The following RET variants were observed in gnomAD, a reference collection of about 807,000 sequenced individuals.
The protein encoded by RET is ret proto-oncogene.
A neutral mutation model predicts 118.3 loss-of-function variants in RET; 19 were observed. The ratio of observed to expected loss-of-function variants is 0.16; its 90% CI spans 0.11 to 0.24. The LOEUF (loss-of-function observed/expected upper bound fraction) is 0.24. Among genes scored for constraint, RET ranks in the 10% least tolerant of loss-of-function variants. RET has a pLI of 1.00. For missense variants in RET, 1,219 were observed against 1,502.1 expected (o/e 0.81, Z 3.12); for synonymous variants, 597 against 644.1 (o/e 0.93, Z 1.11).
At position 43,077,074 on chromosome 10, in the gene RET, C is replaced by G. The variant is rs1453466732; in HGVS notation, c.-185C>G. 4.2e-6 allele frequency: 4 copies of G among 945,590 alleles called. No individual in the cohort carries two copies. Among genetic ancestry groups the G allele is most frequent in the Non-Finnish European group, 5.6e-6 (4 of 719,064 alleles). 58.6% of individuals were successfully genotyped at this position (945,590 alleles called of 1,614,324 possible). A position where few individuals can be genotyped will look rare whatever the true frequency, so the allele number is the denominator to read the frequency against. On this transcript the variant is annotated 5_prime_UTR_variant, in exon 1 of 20. Coordinates refer to ENST00000355710, the MANE Select transcript of RET (RefSeq NM_020975.6). Reference sequence around the variant, plus strand: ...GCCGGCGCTTACCTCGCTTCAGTCCCGCGACCGAAGCAGGGCGCGCAGCAG... The same window carrying G: ...GCCGGCGCTTACCTCGCTTCAGTCCGGCGACCGAAGCAGGGCGCGCAGCAG...
intron 8 of RET, 110 bp from the exon 9 acceptor site, chr10:43,112,743 C>T (rs1369179196): frequency 2.4e-6 from 2 of 822,766 alleles, no homozygotes; most frequent in East Asian, 2.6e-5. Flanking sequence ...TGTTTCCCTA[C>T]TCAGGCCTCC....
intron 18 of RET, among the ~76,000 whole-genome samples, chr10:43,126,003 C>G (rs1475974027): frequency 2.0e-5 from 3 of 152,166 alleles, no homozygotes; most frequent in Non-Finnish European, 2.9e-5. Context: ...CGCCAGTGGC[C>G]CCTCGTGCTG....
intron 1 of RET, among the ~76,000 whole-genome samples, chr10:43,086,668 G>A (rs557884921): frequency 6.6e-6 from 1 of 152,272 alleles, no homozygotes; most frequent in Non-Finnish European, 1.5e-5. Context: ...CCCTAGGAAA[G>A]AAATTAATTA....
At chr10:43,085,172 G>A (rs540432072) in intron 1 of RET, among the ~76,000 whole-genome samples, 9 of 152,220 alleles carry the variant, frequency 5.9e-5, no homozygotes, top group Admixed American at 3.3e-4. Context: ...TGGTGGGGGT[G>A]GAACACTGGC....
intron 1 of RET, among the ~76,000 whole-genome samples, chr10:43,085,788 C>T (rs1015598852): frequency 1.3e-5 from 2 of 152,112 alleles, no homozygotes; most frequent in African/African-American, 4.8e-5. Context: ...GATTCTTCTT[C>T]ACCCTTGATG....
chr10:43,123,997 G>T (rs1176318983), intron 17 of RET, among the ~76,000 whole-genome samples, 189 bp downstream of exon 17: 2 of 152,120 alleles, frequency 1.3e-5, no homozygotes, highest in African/African-American at 2.4e-5. Flanking sequence ...CCCACTGAGG[G>T]CTGGTGGGCT....
intron 17 of RET, among the ~76,000 whole-genome samples, 171 bp from the exon 18 acceptor site, chr10:43,124,712 G>A (rs1213701678): frequency 6.6e-6 from 1 of 152,212 alleles, no homozygotes. Context: ...AACAGGCCAT[G>A]CCCCAGTCCC....
rs1838075264 is a variant in RET, at chr10:43,116,581, TAGG to T, written c.2139_2141del (p.Glu713del). The T allele has an allele frequency of 1.9e-6, 3 of 1,602,614 alleles. No homozygotes were observed. Among genetic ancestry groups the T allele is most frequent in the Non-Finnish European group, 2.6e-6 (3 of 1,173,138 alleles). ...TCTCCCCCTTCCCTCATTTCCAACA[TAGG>T]AGGATCCAAAGTGGGAATTCCCTCG... On this transcript the variant is annotated splice_acceptor_variant and coding_sequence_variant, in exon 12 of 20. Coordinates refer to ENST00000355710, the MANE Select transcript of RET (RefSeq NM_020975.6). LOFTEE classifies it high-confidence loss of function.
chr10:43,116,761 T>A, intron 12 of RET, 30 bp downstream of exon 12: 1 of 1,023,510 alleles, frequency 9.8e-7, no homozygotes, highest in Non-Finnish European at 1.4e-6. Context: ...ACAGTGCCCC[T>A]GGGGGAGTCT....
rs1410930455 is a variant in RET at position 43,123,068 on chromosome 10, C to CA, written c.2802-603_2802-602insA. ...ACACCGCCCAGTGACCTCTGGCTGC[C>CA]CTCTGGTGTGCTCCGTGGTGTGCAC... On this transcript the variant is annotated intron_variant, in intron 16 of 19. Transcript: ENST00000355710. 1.3e-4 allele frequency among the ~76,000 whole-genome samples: 20 copies of CA among 152,314 alleles called. No individual in the cohort carries two copies. In the East Asian group the frequency reaches 3.9e-3, roughly 29 times the overall value.
At chr10:43,124,739 T>A in intron 17 of RET, 144 bp from the exon 18 acceptor site, 1 of 830,252 alleles carries the variant, frequency 1.2e-6, no homozygotes. Flanking sequence ...CTCAGAGATG[T>A]CAGCGATGCA....
intron 1 of RET, among the ~76,000 whole-genome samples, chr10:43,094,647 A>G (rs114529318): frequency 0.046 from 7,045 of 152,276 alleles, 384 homozygotes; most frequent in African/African-American, 0.13. Flanking sequence ...GGCCACAGCC[A>G]GGAGCCAGTG....
chr10:43,088,635 T>TAGG (rs201321790), intron 1 of RET, among the ~76,000 whole-genome samples: 2,755 of 152,120 alleles, frequency 0.018, 46 homozygotes, highest in South Asian at 0.035. Context: ...CTCCCAACAC[T>TAGG]CCTGTGTGGT....
chr10:43,118,808 C>T (rs764600561), intron 13 of RET, among the ~76,000 whole-genome samples: 2 of 152,232 alleles, frequency 1.3e-5, no homozygotes, highest in African/African-American at 2.4e-5. Flanking sequence ...TAGGAATGGA[C>T]AGTGCATCCT....
At chr10:43,113,468 G>A in intron 9 of RET, 88 bp from the exon 10 acceptor site, 3 of 1,431,190 alleles carry the variant, frequency 2.1e-6, no homozygotes, top group Non-Finnish European at 2.8e-6. Context: ...AGTTGGGGAG[G>A]GGGCTCCTTG....
At chr10:43,125,074 C>T (rs1838301891) in intron 18 of RET, 92 bp downstream of exon 18, 1 of 1,154,204 alleles carries the variant, frequency 8.7e-7, no homozygotes, top group African/African-American at 1.5e-5. Flanking sequence ...CTCAGAGTTC[C>T]CAGTGTGGGG....
Position 43,100,564 on chromosome 10 carries a change from C to T in RET, c.179C>T (p.Pro60Leu), listed in dbSNP as rs1405257965. The T allele has an allele frequency of 6.2e-7, 1 of 1,613,918 alleles. No individual in the cohort carries two copies. Among genetic ancestry groups the T allele is most frequent in the Non-Finnish European group, 8.5e-7 (1 of 1,180,032 alleles). The change falls in exon 2 of 20, where the codon CCT becomes CTT. Residue 60 changes from proline to leucine, a missense_variant. Coordinates refer to ENST00000355710, the MANE Select transcript of RET (RefSeq NM_020975.6). ...TACGTCCATGCCCTGCGGGACGCCCCTGAGGAGGTGCCCAGCTTCCGCCTG... is the reference window on the plus strand; with the variant it reads ...TACGTCCATGCCCTGCGGGACGCCCTTGAGGAGGTGCCCAGCTTCCGCCTG... Reference protein sequence around the residue: ...LLYVHALRDAPEEVPSFRLGQ... With the variant: ...LLYVHALRDALEEVPSFRLGQ...
rs2742243 is a variant in RET at position 43,106,301 on chromosome 10, T to C, written c.868-75T>C. On this transcript the variant is annotated intron_variant, in intron 4 of 19. Transcript: ENST00000355710. This position sits in a 1 kb window ranked among gnomAD's most constrained non-coding sequence, Gnocchi z 5.1. ...ATGGGCTGTGTGGGACGTGCAGCAT[T>C]CTAAGGTCTCTGGTTTTGGGGGGTC... is the stretch of plus-strand genomic sequence containing the variant. 1,053,985 of 1,419,304 alleles carry C rather than the reference T, an allele frequency of 0.74. 393,383 individuals are homozygous for C. Among genetic ancestry groups the C allele is most frequent in the African/African-American group, 0.87 (62,298 of 71,294 alleles). 87.9% of individuals were successfully genotyped at this position (1,419,304 alleles called of 1,614,324 possible). A position where few individuals can be genotyped will look rare whatever the true frequency, so the allele number is the denominator to read the frequency against.
In RET at chr10:43,114,950, G is replaced by A. The variant is rs1461443892; in HGVS notation, c.2136+214G>A. On this transcript the variant is annotated intron_variant, in intron 11 of 19. Transcript: ENST00000355710. The surrounding 1 kb of genome is among the most constrained non-coding windows in gnomAD (Gnocchi z 4.6). Reference sequence around the variant, plus strand: ...GGTGCCGTTCCCATCTAGGTGAGAGGCAGTGGTCAGGGTCACAGCATCGGG... The same window carrying A: ...GGTGCCGTTCCCATCTAGGTGAGAGACAGTGGTCAGGGTCACAGCATCGGG... Among the ~76,000 whole-genome samples the A allele has an allele frequency of 1.3e-5, 2 of 152,166 alleles. No individual in the cohort carries two copies. The highest frequency in any genetic ancestry group is 2.9e-5 in the Non-Finnish European group (2 of 68,032).
Sources: gnomAD v4.1 joint callset for allele counts (sites outside exome capture counted in the v4.1 genomes callset) on GRCh38, gnomAD v4.1.1 for gene constraint, Gnocchi (gnomAD v3.1) non-coding constraint, MANE v1.5 for transcripts, NCBI Gene and HGNC (gene_info 2026-07-23, HGNC 2026-07-21) for gene names.